Variants in RBM5 observed in about 807,000 individuals in gnomAD.
The protein encoded by RBM5 is RNA-binding protein 5.
RBM5 carries 15 observed loss-of-function variants against 124.6 expected under a neutral mutation model. That is an observed-to-expected ratio of 0.12 (90% CI 0.08 to 0.19). RBM5 has a LOEUF of 0.19. RBM5 is among the 10% of genes least tolerant of loss of function. The pLI, the probability that RBM5 is intolerant of heterozygous loss-of-function variation, is 1.00. For synonymous variants in RBM5, 337 were observed against 361.2 expected, an observed-to-expected ratio of 0.93 and a Z score of 0.76; for missense variants, 580 against 1,026.5, an observed-to-expected ratio of 0.57 and a Z score of 5.94.
At position 50,105,199 on chromosome 3, in the gene RBM5, G is replaced by T. The variant is rs539273281; in HGVS notation, c.694+57G>T. 1.8e-5 allele frequency: 25 copies of T among 1,401,418 alleles called. No homozygotes were observed. The African/African-American group carries it at 2.4e-4, about 14-fold the overall frequency. The allele number at this position is 1,401,418 out of a possible 1,614,324, so 86.8% of individuals were successfully genotyped here. On this transcript the variant is annotated intron_variant, in intron 9 of 24. Coordinates refer to ENST00000347869, the MANE Select transcript of RBM5 (RefSeq NM_005778.4). ...GTTAAAAATTGACCTCAGTTGTCAG[G>T]AGATGGAGACCATCCTGGCTAACAC...
At chr3:50,111,860 ACT>A (rs2091150366) in intron 17 of RBM5, among the ~76,000 whole-genome samples, 2 of 152,032 alleles carry the variant, frequency 1.3e-5, no homozygotes, top group Middle Eastern at 6.8e-3. Flanking sequence ...CCCATAAATA[ACT>A]CTATTTATGA....
At position 50,113,403 on chromosome 3, in the gene RBM5, C is replaced by T; in HGVS notation, c.1476C>T (p.Thr492=). The T allele has an allele frequency of 6.2e-7, 1 of 1,612,724 alleles. No individual in the cohort carries two copies. Among genetic ancestry groups the T allele is most frequent in the Non-Finnish European group, 8.5e-7 (1 of 1,179,478 alleles). Residue 492 remains threonine, a synonymous_variant, in exon 18 of 25, where the codon ACC becomes ACT. Coordinates refer to ENST00000347869, the MANE Select transcript of RBM5 (RefSeq NM_005778.4). ...TCTAGTACTACTATAATTCCTTGACCCAGCAGTACCTTTACTGGGATGGGG... is the reference window on the plus strand; with the variant it reads ...TCTAGTACTACTATAATTCCTTGACTCAGCAGTACCTTTACTGGGATGGGG... ...PNSQYYYNSL[T]QQYLYWDGEK...
intron 6 of RBM5, chr3:50,102,680 A>C (rs185992635): frequency 5.6e-6 from 1 of 177,860 alleles, no homozygotes; most frequent in East Asian, 1.8e-4. Context: ...GGTGAAGCGA[A>C]GCCCAAGGAC....
In RBM5 at chr3:50,090,549, C is replaced by A. The variant is rs530140844; in HGVS notation, c.17+98C>A. On this transcript the variant is annotated intron_variant, in intron 2 of 24. Coordinates refer to ENST00000347869, the MANE Select transcript of RBM5 (RefSeq NM_005778.4). The stretch of plus-strand genomic sequence containing the variant: ...ATCAAACTAATATATGAGTGTTTTG[C>A]GCCAGGCATTGCTAACGAACACCTT... The A allele has an allele frequency of 4.0e-5, 57 of 1,408,928 alleles. No individual in the cohort carries two copies. The East Asian group carries it at 1.1e-3, about 28-fold the overall frequency. 87.3% of individuals were successfully genotyped at this position (1,408,928 alleles called of 1,614,324 possible). A position where few individuals can be genotyped will look rare whatever the true frequency, so the allele number is the denominator to read the frequency against.
Position 50,117,058 on chromosome 3 carries a change from T to G in RBM5, c.2095-16T>G. The G allele has an allele frequency of 6.2e-7, 1 of 1,609,244 alleles. No individual in the cohort carries two copies. The highest frequency in any genetic ancestry group is 8.5e-7 in the Non-Finnish European group (1 of 1,175,608). Reference sequence around the variant, plus strand: ...AGTCTGTGAACATTTCCAGCAGTGTTTTTTCTCCCATGTAGATGAAATACC... The same window carrying G: ...AGTCTGTGAACATTTCCAGCAGTGTGTTTTCTCCCATGTAGATGAAATACC... On this transcript the variant is annotated splice_polypyrimidine_tract_variant and intron_variant, in intron 22 of 24. Coordinates refer to ENST00000347869, the MANE Select transcript of RBM5 (RefSeq NM_005778.4). This position sits in a 1 kb window ranked among gnomAD's most constrained non-coding sequence, Gnocchi z 4.2.
rs762997053 is a variant in RBM5, at chr3:50,100,023, G to A, written c.381G>A (p.Ala127=). 1.4e-5 allele frequency: 22 copies of A among 1,613,866 alleles called. No individual in the cohort carries two copies. Among genetic ancestry groups the A allele is most frequent in the African/African-American group, 6.7e-5 (5 of 74,924 alleles). ...MMESFEGPQP[A]DVRLMKRKTG... is the part of the protein sequence containing the mutation. ...AGTCCTTCGAAGGCCCTCAGCCTGCGGATGTGAGGCTGATGAAGAGGAAAA... is the reference window on the plus strand; with the variant it reads ...AGTCCTTCGAAGGCCCTCAGCCTGCAGATGTGAGGCTGATGAAGAGGAAAA... The change falls in exon 5 of 25, where the codon GCG becomes GCA. Residue 127 remains alanine (A), a synonymous_variant. Transcript: ENST00000347869. This position sits in a 1 kb window ranked among gnomAD's most constrained non-coding sequence, Gnocchi z 5.1.
At position 50,115,596 on chromosome 3, in the gene RBM5, G is replaced by T; in HGVS notation, c.2008G>T (p.Asp670Tyr). ...CCTAGTCAGGCACCAGCAACTCTCA[G>T]ACCTTCACAAGGTGGCCATGCTTCT... ...DALVRHQQLS[D>Y]LHKQNMDIYR... Residue 670 changes from aspartate to tyrosine, a missense_variant, in exon 21 of 25, where the codon GAC (aspartate) becomes TAC (tyrosine). By Grantham distance (160) the Asp-to-Tyr change is radical (BLOSUM62 -3). Coordinates refer to ENST00000347869, the MANE Select transcript of RBM5 (RefSeq NM_005778.4). The T allele has an allele frequency of 6.2e-7, 1 of 1,609,364 alleles. No homozygotes were observed. The highest frequency in any genetic ancestry group is 8.5e-7 in the Non-Finnish European group (1 of 1,178,554).
chr3:50,099,749 C>G (rs1369877501), intron 4 of RBM5: 13 of 350,210 alleles, frequency 3.7e-5, no homozygotes, highest in Non-Finnish European at 1.0e-5. Context: ...ATAATCCCAG[C>G]TACTCGGGAG....
At chr3:50,098,290 A>G (rs2090864405) in intron 4 of RBM5, among the ~76,000 whole-genome samples, 1 of 151,310 alleles carries the variant, frequency 6.6e-6, no homozygotes, top group South Asian at 2.1e-4. Context: ...ATTTTTTTAA[A>G]GATAGGGTTG....
At chr3:50,096,230 T>TTTAC (rs1189119887) in intron 4 of RBM5, among the ~76,000 whole-genome samples, 1 of 151,756 alleles carries the variant, frequency 6.6e-6, no homozygotes, top group Non-Finnish European at 1.5e-5. Context: ...AACTCATGCC[T>TTTAC]GTAATCCCAG....
intron 4 of RBM5, 77 bp downstream of exon 4, chr3:50,093,952 C>G (rs904242031): frequency 6.7e-7 from 1 of 1,498,734 alleles, no homozygotes; most frequent in Non-Finnish European, 9.2e-7. Context: ...TTTTCTCATG[C>G]TATTGTTTTA....
rs2109009331 is a variant in RBM5 at position 50,108,313 on chromosome 3, C to T, written c.1192+9C>T. The stretch of plus-strand genomic sequence containing the variant: ...TGCATCATCTGCATCAGGTAGTAAA[C>T]TTCATCTCCCTTTTACCTTTTGTTT... On this transcript the variant is annotated intron_variant, in intron 14 of 24. Coordinates refer to ENST00000347869, the MANE Select transcript of RBM5 (RefSeq NM_005778.4). The T allele has an allele frequency of 5.0e-6, 8 of 1,597,126 alleles. No individual in the cohort carries two copies. The highest frequency in any genetic ancestry group is 1.3e-5 in the African/African-American group (1 of 74,626).
rs2091194161 is a variant in RBM5, at chr3:50,113,991, G to A, written c.1659G>A (p.Lys553=). Residue 553 remains lysine (K), a synonymous_variant, in exon 19 of 25, where the codon AAG becomes AAA. Transcript: ENST00000347869. ...DMERWAKSLN[K]QKENFKNSFQ... is the part of the protein sequence containing the mutation. ...AACGCTGGGCTAAGAGTTTGAATAAGCAGAAAGAAAACTTTAAAAATAGCT... is the reference window on the plus strand; with the variant it reads ...AACGCTGGGCTAAGAGTTTGAATAAACAGAAAGAAAACTTTAAAAATAGCT... 1.2e-6 allele frequency: 2 copies of A among 1,614,026 alleles called. No homozygotes were observed. Among genetic ancestry groups the A allele is most frequent in the African/African-American group, 1.3e-5 (1 of 74,928 alleles).
chr3:50,090,483 A>G, intron 2 of RBM5, 32 bp downstream of exon 2: 1 of 1,611,438 alleles, frequency 6.2e-7, no homozygotes, highest in African/African-American at 1.3e-5. Context: ...CTTTGATCTC[A>G]ACATTTCAGT....
rs2091104839 is a variant in RBM5, at chr3:50,109,586, C to T, written c.1193-17C>T. On this transcript the variant is annotated splice_polypyrimidine_tract_variant and intron_variant, in intron 14 of 24. Coordinates refer to ENST00000347869, the MANE Select transcript of RBM5 (RefSeq NM_005778.4). ...TTCAGTGCCTTGGCTTTCCCTAACA[C>T]TTGTGTTTATCATCAGGCACAGCAG... 1.2e-6 allele frequency: 2 copies of T among 1,609,592 alleles called. No individual in the cohort carries two copies. The highest frequency in any genetic ancestry group is 2.7e-5 in the African/African-American group (2 of 74,808).
Position 50,094,560 on chromosome 3 carries a change from C to T in RBM5, c.339+685C>T, listed in dbSNP as rs567604159. On this transcript the variant is annotated intron_variant, in intron 4 of 24. Transcript: ENST00000347869. ...CCAGTCTGGAGTATAGCAATGCAAT[C>T]ATAGCTCACTGCAGCCTCAAACTCC... is the stretch of plus-strand genomic sequence containing the variant. Among the ~76,000 whole-genome samples, 7 of 152,292 alleles carry T rather than the reference C, an allele frequency of 4.6e-5. No homozygotes were observed. The South Asian group carries it at 1.5e-3, about 32-fold the overall frequency.
intron 15 of RBM5, chr3:50,109,950 C>A: frequency 2.9e-6 from 1 of 340,012 alleles, no homozygotes; most frequent in Non-Finnish European, 5.4e-6. Context: ...TGGTGGCTCG[C>A]GCCTGTAATC....
chr3:50,113,244 C>A (rs750577981), intron 17 of RBM5, 139 bp from the exon 18 acceptor site: 89 of 759,344 alleles, frequency 1.2e-4, no homozygotes, highest in Non-Finnish European at 1.7e-4. Flanking sequence ...TTTACTTATA[C>A]CAAGGTGTGC....
chr3:50,102,507 A>T (rs1238619223), intron 6 of RBM5: 3 of 152,412 alleles, frequency 2.0e-5, no homozygotes, highest in African/African-American at 7.2e-5. Context: ...AGTTGGTGGC[A>T]TTCAGAATAG....
Sources: allele counts gnomAD v4.1 joint callset (sites outside exome capture counted in the v4.1 genomes callset), GRCh38; gene constraint gnomAD v4.1.1; non-coding constraint Gnocchi (gnomAD v3.1); transcripts MANE v1.5; gene names NCBI Gene and HGNC (gene_info 2026-07-23, HGNC 2026-07-21).